Variants in ACOT13 observed in about 807,000 individuals in gnomAD.
ACOT13 encodes the protein acyl-coenzyme A thioesterase 13.
ACOT13 carries 10 observed loss-of-function variants against 11.8 expected under a neutral mutation model. The ratio of observed to expected loss-of-function variants is 0.85; its 90% CI spans 0.53 to 1.44. ACOT13 has a LOEUF of 1.44. Ranked by LOEUF, ACOT13 falls within the 40% of genes most tolerant of loss-of-function variation. The probability of loss-of-function intolerance (pLI) is 0.00; values close to 1 mark genes in which losing one functional copy is unlikely to be tolerated. For synonymous variants in ACOT13, 53 were observed against 61.0 expected, an observed-to-expected ratio of 0.87 and a Z score of 0.61; for missense variants, 172 against 174.1, an observed-to-expected ratio of 0.99 and a Z score of 0.07.
At chr6:24,676,061 C>G (rs1247916185) in intron 1 of ACOT13, among the ~76,000 whole-genome samples, 1 of 152,180 alleles carries the variant, frequency 6.6e-6, no homozygotes, top group Non-Finnish European at 1.5e-5. Flanking sequence ...TCTGAGGGCT[C>G]TGTTCTGTTC....
intron 1 of ACOT13, among the ~76,000 whole-genome samples, chr6:24,693,130 TAGCAAC>T (rs1778743173): frequency 6.6e-6 from 1 of 152,262 alleles, no homozygotes; most frequent in Non-Finnish European, 1.5e-5. Context: ...CACACAAAGT[TAGCAAC>T]ATCCATGGTC....
intron 1 of ACOT13, among the ~76,000 whole-genome samples, chr6:24,671,488 G>C (rs940566414): frequency 5.6e-4 from 85 of 152,250 alleles, no homozygotes; most frequent in Admixed American, 5.5e-3. Context: ...GGGAGGGATA[G>C]CACTAGGAGA....
chr6:24,687,792 A>C, intron 1 of ACOT13: 1 of 1,205,508 alleles, frequency 8.3e-7, no homozygotes. Context: ...CTCAACTGCA[A>C]CCTCTGCCTC....
intron 1 of ACOT13, among the ~76,000 whole-genome samples, chr6:24,677,264 G>C (rs139490627): frequency 6.6e-6 from 1 of 152,216 alleles, no homozygotes; most frequent in Non-Finnish European, 1.5e-5. Flanking sequence ...GAAGAAATGT[G>C]GCTGTGTTAA....
At position 24,701,891 on chromosome 6, in the gene ACOT13, T is replaced by C. The variant is rs1374200425; in HGVS notation, c.*276T>C. On this transcript the variant is annotated 3_prime_UTR_variant, in exon 3 of 3. Transcript: ENST00000230048. ...AGCAAAGAAACTAGCAGGACCACTCTCAGTTAAGATTAAAACTAAAGTCCA... is the reference window on the plus strand; with the variant it reads ...AGCAAAGAAACTAGCAGGACCACTCCCAGTTAAGATTAAAACTAAAGTCCA... 2.7e-5 allele frequency: 8 copies of C among 296,364 alleles called. No homozygotes were observed. The highest frequency in any genetic ancestry group is 1.7e-4 in the African/African-American group (8 of 46,172). The allele number at this position is 296,364 out of a possible 1,614,324, so 18.4% of individuals were successfully genotyped here.
chr6:24,703,489 G>C lies in ACOT13; in HGVS notation c.*1874G>C, dbSNP rs564731364. The C allele has an allele frequency of 6.6e-6, 1 of 152,244 alleles. No individual in the cohort carries two copies. The highest frequency in any genetic ancestry group is 1.5e-5 in the Non-Finnish European group (1 of 68,036). 9.4% of individuals were successfully genotyped at this position (152,244 alleles called of 1,614,324 possible). A position where few individuals can be genotyped will look rare whatever the true frequency, so the allele number is the denominator to read the frequency against. On this transcript the variant is annotated 3_prime_UTR_variant, in exon 3 of 3. Coordinates refer to ENST00000230048, the MANE Select transcript of ACOT13 (RefSeq NM_018473.4). The stretch of plus-strand genomic sequence containing the variant: ...AGAAAGGTTACAGTATCTTATGCAT[G>C]AAAGGAGATGCTCAAAATAATAAAG...
At chr6:24,687,458 G>C in intron 1 of ACOT13, 1 of 1,330,772 alleles carries the variant, frequency 7.5e-7, no homozygotes, top group East Asian at 2.9e-5. Flanking sequence ...ACTGTGCTAG[G>C]ATCTAGAAAT....
In ACOT13 at chr6:24,667,316, C is replaced by T. The variant is rs371665728; in HGVS notation, c.53C>T (p.Ala18Val). Residue 18 changes from alanine (A) to valine (V), a missense_variant, in exon 1 of 3, where the codon GCT (alanine) becomes GTT (valine). Ala to Val is a moderately conservative substitution (Grantham distance 64, BLOSUM62 0). Transcript: ENST00000230048. ...GAGGTGATAAAGGCCATGACCAAGG[C>T]TCGCAATTTTGAGAGAGTTTTGGGA... ...LREVIKAMTK[A>V]RNFERVLGKI... 169 of 1,614,048 alleles carry T rather than the reference C, an allele frequency of 1.0e-4. No individual in the cohort carries two copies. Among genetic ancestry groups the T allele is most frequent in the Non-Finnish European group, 1.4e-4 (163 of 1,180,032 alleles).
At chr6:24,674,736 T>A (rs754723556) in intron 1 of ACOT13, among the ~76,000 whole-genome samples, 1 of 152,198 alleles carries the variant, frequency 6.6e-6, no homozygotes, top group Admixed American at 6.5e-5. Flanking sequence ...ACTGTTTTTT[T>A]ATTTTCTTAT....
chr6:24,678,363 G>A (rs1009269757), intron 1 of ACOT13, among the ~76,000 whole-genome samples: 2 of 152,164 alleles, frequency 1.3e-5, no homozygotes, highest in African/African-American at 4.8e-5. Flanking sequence ...CTGAGATCTT[G>A]CACTAACCTC....
At chr6:24,667,371 T>C (rs1562152970) in intron 1 of ACOT13, 27 bp downstream of exon 1, 2 of 1,600,760 alleles carry the variant, frequency 1.2e-6, no homozygotes, top group Non-Finnish European at 8.6e-7. Flanking sequence ...GGAGAAGCCG[T>C]GGCTTCTAAT....
chr6:24,681,342 G>C (rs1005441955), intron 1 of ACOT13, among the ~76,000 whole-genome samples: 1 of 152,230 alleles, frequency 6.6e-6, no homozygotes, highest in East Asian at 1.9e-4. Flanking sequence ...TTATAGGAAA[G>C]CTACAGGTTG....
chr6:24,691,429 A>G (rs1778716270), intron 1 of ACOT13, among the ~76,000 whole-genome samples: 1 of 152,230 alleles, frequency 6.6e-6, no homozygotes, highest in African/African-American at 2.4e-5. Context: ...CAAACACTAA[A>G]CAAAATAGGT....
intron 1 of ACOT13, among the ~76,000 whole-genome samples, chr6:24,682,672 AGTGGCAGGTCTGCG>A (rs994028262): frequency 5.3e-5 from 8 of 150,614 alleles, no homozygotes; most frequent in South Asian, 4.2e-4. Flanking sequence ...GTGGGTCTGC[AGTGGCAGGTCTGCG>A]GTGGCGGGTC....
rs368339087 is a variant in ACOT13 at position 24,669,064 on chromosome 6, A to G, written c.81+1720A>G. Reference sequence around the variant, plus strand: ...CTCGCTTGTAAGAAAATCATGCTCCATAAGAAGCATTTATAACTAAACCTT... The same window carrying G: ...CTCGCTTGTAAGAAAATCATGCTCCGTAAGAAGCATTTATAACTAAACCTT... On this transcript the variant is annotated intron_variant, in intron 1 of 2. Transcript: ENST00000230048. 1.8e-3 allele frequency among the ~76,000 whole-genome samples: 278 copies of G among 152,334 alleles called. 2 individuals are homozygous for G. Among genetic ancestry groups the G allele is most frequent in the African/African-American group, 5.7e-3 (237 of 41,568 alleles).
chr6:24,673,179 T>G (rs952306373), intron 1 of ACOT13, among the ~76,000 whole-genome samples: 3 of 152,176 alleles, frequency 2.0e-5, no homozygotes, highest in Non-Finnish European at 4.4e-5. Context: ...TAAACTCTGT[T>G]AGGTCAGTTA....
intron 2 of ACOT13, among the ~76,000 whole-genome samples, chr6:24,699,249 G>A (rs1339827952): frequency 1.4e-5 from 2 of 147,836 alleles, no homozygotes; most frequent in Non-Finnish European, 3.0e-5. Flanking sequence ...TCGCTTTGTG[G>A]CCCAGGCTGG....
At chr6:24,692,182 G>C (rs1435552353) in intron 1 of ACOT13, among the ~76,000 whole-genome samples, 1 of 152,082 alleles carries the variant, frequency 6.6e-6, no homozygotes, top group Non-Finnish European at 1.5e-5. Flanking sequence ...GAGAGTAGGA[G>C]GAAAACCAGG....
At chr6:24,691,622 A>C (rs554311536) in intron 1 of ACOT13, among the ~76,000 whole-genome samples, 1 of 152,222 alleles carries the variant, frequency 6.6e-6, no homozygotes, top group South Asian at 2.1e-4. Flanking sequence ...ATATCACTGA[A>C]ACAGTGACGT....
Sources: allele counts gnomAD v4.1 joint callset (sites outside exome capture counted in the v4.1 genomes callset), GRCh38; gene constraint gnomAD v4.1.1; transcripts MANE v1.5; gene names NCBI Gene and HGNC (gene_info 2026-07-23, HGNC 2026-07-21).